Variants in PLD5 observed in about 807,000 individuals in gnomAD.
PLD5 encodes the protein inactive phospholipase D5.
PLD5 carries 36 observed loss-of-function variants against 61.1 expected under a neutral mutation model. The observed-to-expected ratio is 0.59, with a 90% CI of 0.45 to 0.78. The LOEUF is 0.78. Among genes scored for constraint, PLD5 ranks in the 30% least tolerant of loss-of-function variants. The pLI is 0.00. For missense variants in PLD5, 515 were observed against 644.4 expected (o/e 0.80, Z 2.17); for synonymous variants, 243 against 242.8 (o/e 1.00, Z -0.01).
chr1:242,404,398 TA>T (rs1664111072), intron 1 of PLD5, among the ~76,000 whole-genome samples: 1 of 152,158 alleles, frequency 6.6e-6, no homozygotes, highest in Non-Finnish European at 1.5e-5. Context: ...TCCAAGGTAC[TA>T]GGAACATCAA....
At position 242,495,963 on chromosome 1, in the gene PLD5, C is replaced by T. The variant is rs532352746; in HGVS notation, c.189+28125G>A. Among the ~76,000 whole-genome samples, 143 of 152,236 alleles carry T rather than the reference C, an allele frequency of 9.4e-4. 1 individual carries two copies. The highest frequency in any genetic ancestry group is 1.5e-3 in the Non-Finnish European group (105 of 68,018). ...TGTTTAATTATATAACCATAACACCCCCATTACTTTTGGCATCAAATTGGT... is the reference window on the plus strand; with the variant it reads ...TGTTTAATTATATAACCATAACACCTCCATTACTTTTGGCATCAAATTGGT... On this transcript the variant is annotated intron_variant, in intron 1 of 9. Coordinates refer to ENST00000536534, the MANE Select transcript of PLD5 (RefSeq NM_001372062.1).
chr1:242,301,740 G>A (rs926606512), intron 2 of PLD5, among the ~76,000 whole-genome samples: 33 of 145,758 alleles, frequency 2.3e-4, no homozygotes, highest in African/African-American at 5.9e-4. Context: ...AGACCCTTCC[G>A]TAGGTTTATT....
intron 3 of PLD5, among the ~76,000 whole-genome samples, chr1:242,277,940 G>A (rs929345119): frequency 3.9e-5 from 6 of 152,156 alleles, no homozygotes; most frequent in African/African-American, 1.2e-4. Context: ...CTGAGATCAC[G>A]CCACTGCACT....
Position 242,390,467 on chromosome 1 carries a change from G to A in PLD5, c.190-42225C>T, listed in dbSNP as rs557212970. 1.2e-4 allele frequency among the ~76,000 whole-genome samples: 19 copies of A among 152,174 alleles called. No individual in the cohort carries two copies. In the East Asian group the frequency reaches 2.5e-3, roughly 20 times the overall value. On this transcript the variant is annotated intron_variant, in intron 1 of 9. Coordinates refer to ENST00000536534, the MANE Select transcript of PLD5 (RefSeq NM_001372062.1). The stretch of plus-strand genomic sequence containing the variant: ...TCAACCTTTACATCTTTATTCTGGT[G>A]GCAAATAAAAGGATATAATGTTAAA...
At position 242,199,003 on chromosome 1, in the gene PLD5, G is replaced by T. The variant is rs573851616; in HGVS notation, c.735+20985C>A. Among the ~76,000 whole-genome samples, 75 of 152,212 alleles carry T rather than the reference G, an allele frequency of 4.9e-4. 1 individual carries two copies. The highest frequency in any genetic ancestry group is 7.6e-4 in the Non-Finnish European group (52 of 68,006). ...CCCGCCTCAGCTTCCCAAAGTGTTG[G>T]GATTATAGGCATGAGCCACTGTGCC... On this transcript the variant is annotated intron_variant, in intron 5 of 9. Transcript: ENST00000536534.
intron 1 of PLD5, among the ~76,000 whole-genome samples, chr1:242,359,210 C>A (rs926150262): frequency 2.6e-5 from 4 of 152,136 alleles, no homozygotes; most frequent in Admixed American, 2.0e-4. Context: ...TGTGCCATAT[C>A]CTCCTGTTTC....
chr1:242,261,104 G>T (rs1295944825), intron 4 of PLD5, among the ~76,000 whole-genome samples: 1 of 152,198 alleles, frequency 6.6e-6, no homozygotes, highest in Non-Finnish European at 1.5e-5. Context: ...GAAAAACAAA[G>T]ATGAAAGTTC....
intron 1 of PLD5, among the ~76,000 whole-genome samples, chr1:242,482,155 C>T (rs2102964082): frequency 6.6e-6 from 1 of 152,342 alleles, no homozygotes; most frequent in African/African-American, 2.4e-5. Flanking sequence ...GAGCGCCTCT[C>T]CTCCTCCAAA....
intron 5 of PLD5, among the ~76,000 whole-genome samples, chr1:242,161,093 T>TAA (rs1665790291): frequency 6.6e-6 from 1 of 152,062 alleles, no homozygotes. Flanking sequence ...ATAGATAATT[T>TAA]TGTGCATTCT....
At chr1:242,475,367 G>C (rs895403893) in intron 1 of PLD5, among the ~76,000 whole-genome samples, 2 of 143,872 alleles carry the variant, frequency 1.4e-5, no homozygotes, top group Non-Finnish European at 3.0e-5. Context: ...AGCTTGCAGT[G>C]AGCCGAGATT....
chr1:242,455,819 A>T (rs1214276350), intron 1 of PLD5, among the ~76,000 whole-genome samples: 1 of 152,232 alleles, frequency 6.6e-6, no homozygotes. Context: ...TCTGATCAAC[A>T]GAAGTGTCCC....
chr1:242,337,253 A>G (rs1458435599), intron 2 of PLD5, among the ~76,000 whole-genome samples: 1 of 13,310 alleles, frequency 7.5e-5, no homozygotes, highest in Non-Finnish European at 3.6e-4. Context: ...ATAGAAGTAT[A>G]AACCTCATGA....
intron 1 of PLD5, among the ~76,000 whole-genome samples, chr1:242,473,251 AAAG>A (rs1667495853): frequency 6.6e-6 from 1 of 152,180 alleles, no homozygotes. Context: ...GAGGAATTTA[AAAG>A]AAGTAGATAC....
intron 2 of PLD5, among the ~76,000 whole-genome samples, chr1:242,329,786 A>C (rs376876576): frequency 6.6e-6 from 1 of 152,170 alleles, no homozygotes; most frequent in East Asian, 1.9e-4. Context: ...AACTTGGTAC[A>C]TTAGATGCTT....
chr1:242,299,290 T>C (rs887538189), intron 2 of PLD5, among the ~76,000 whole-genome samples: 1 of 152,188 alleles, frequency 6.6e-6, no homozygotes, highest in Non-Finnish European at 1.5e-5. Flanking sequence ...ATAATGCAGT[T>C]ACACTCTTTA....
intron 5 of PLD5, among the ~76,000 whole-genome samples, chr1:242,167,589 T>C (rs1187046009): frequency 1.3e-5 from 2 of 152,360 alleles, no homozygotes; most frequent in South Asian, 2.1e-4. Context: ...CTAACATTTA[T>C]GGAACCTTTA....
At chr1:242,407,279 CT>C in intron 1 of PLD5, among the ~76,000 whole-genome samples, 1 of 149,186 alleles carries the variant, frequency 6.7e-6, no homozygotes, top group East Asian at 1.9e-4. Context: ...CCACGTGGAA[CT>C]GTGAGTCCAT....
At chr1:242,512,014 G>T (rs72765076) in intron 1 of PLD5, among the ~76,000 whole-genome samples, 2 of 152,094 alleles carry the variant, frequency 1.3e-5, no homozygotes. Flanking sequence ...ATCGTGGGTT[G>T]AAGTGATAGG....
chr1:242,157,111 A>C (rs1665435523), intron 5 of PLD5, among the ~76,000 whole-genome samples: 1 of 152,090 alleles, frequency 6.6e-6, no homozygotes, highest in African/African-American at 2.4e-5. Context: ...GTTGATCTTC[A>C]ATCTCTGATA....
Sources: allele counts gnomAD v4.1 joint callset (sites outside exome capture counted in the v4.1 genomes callset), GRCh38; gene constraint gnomAD v4.1.1; transcripts MANE v1.5; gene names NCBI Gene and HGNC (gene_info 2026-07-23, HGNC 2026-07-21).